The following GULP1 variants were observed in gnomAD, a reference collection of about 807,000 sequenced individuals.
GULP1 encodes GULP PTB domain containing engulfment adaptor 1, also known as PTB domain-containing engulfment adapter protein 1.
A neutral mutation model predicts 40.9 loss-of-function variants in GULP1; 19 were observed. That is an observed-to-expected ratio of 0.46 (90% CI 0.32 to 0.68). The LOEUF (loss-of-function observed/expected upper bound fraction) is 0.68, where lower values mean the gene tolerates loss of function less well. GULP1 is among the 30% of genes least tolerant of loss of function. GULP1 has a pLI of 0.03. For missense variants in GULP1, 312 were observed against 362.2 expected (o/e 0.86, Z 1.12); for synonymous variants, 119 against 117.6 (o/e 1.01, Z -0.08).
At chr2:188,511,339 C>T (rs2064520110) in intron 4 of GULP1, among the ~76,000 whole-genome samples, 1 of 152,204 alleles carries the variant, frequency 6.6e-6, no homozygotes, top group Non-Finnish European at 1.5e-5. Context: ...AATATTTCCA[C>T]AGCCCATGTG....
intron 2 of GULP1, among the ~76,000 whole-genome samples, chr2:188,461,800 A>G (rs2059731132): frequency 6.6e-6 from 1 of 151,992 alleles, no homozygotes; most frequent in Non-Finnish European, 1.5e-5. Flanking sequence ...TTTCTTTTTC[A>G]TCTCTGCTTT....
intron 11 of GULP1, chr2:188,592,136 A>G (rs1239213204): frequency 2.0e-5 from 3 of 151,996 alleles, no homozygotes; most frequent in African/African-American, 4.8e-5. Flanking sequence ...TTTGGCTGCT[A>G]TTCTGCTTTT....
chr2:188,457,560 G>T (rs939065592), intron 2 of GULP1, among the ~76,000 whole-genome samples: 2 of 152,160 alleles, frequency 1.3e-5, no homozygotes, highest in African/African-American at 2.4e-5. Context: ...CTTGTAAATT[G>T]CCCAGTCTTG....
At chr2:188,458,457 G>A (rs2059442541) in intron 2 of GULP1, among the ~76,000 whole-genome samples, 1 of 151,904 alleles carries the variant, frequency 6.6e-6, no homozygotes, top group African/African-American at 2.4e-5. Flanking sequence ...CTTTCAACCA[G>A]TCAGGCTCTT....
rs1704188808 is a variant in GULP1, at chr2:188,594,710, A to C, written c.*699A>C. On this transcript the variant is annotated 3_prime_UTR_variant, in exon 12 of 12. Coordinates refer to ENST00000409830, the MANE Select transcript of GULP1 (RefSeq NM_016315.4). ...GGTAGTGAAAAAATGAAAATTTGCT[A>C]TTTATTAAAAAACATTAAATTTCAT... 1 of 151,736 alleles carries C rather than the reference A, an allele frequency of 6.6e-6. No individual in the cohort carries two copies. Among genetic ancestry groups the C allele is most frequent in the East Asian group, 1.9e-4 (1 of 5,192 alleles). The allele number at this position is 151,736 out of a possible 1,614,324, so 9.4% of individuals were successfully genotyped here.
At chr2:188,537,391 G>A (rs897256895) in intron 6 of GULP1, among the ~76,000 whole-genome samples, 3 of 152,002 alleles carry the variant, frequency 2.0e-5, no homozygotes, top group Non-Finnish European at 4.4e-5. Context: ...ATTTTATCAT[G>A]AAGGAATGCT....
chr2:188,354,511 C>T (rs1027314432), intron 1 of GULP1, among the ~76,000 whole-genome samples: 3 of 152,144 alleles, frequency 2.0e-5, no homozygotes, highest in Non-Finnish European at 4.4e-5. Flanking sequence ...ATCTGCACCT[C>T]AGGACCCATA....
intron 11 of GULP1, 50 bp downstream of exon 11, chr2:188,587,999 T>C (rs764800708): frequency 4.3e-6 from 4 of 933,614 alleles, no homozygotes; most frequent in East Asian, 2.4e-5. Context: ...CATTTTGATA[T>C]GGGACAAAGA....
intron 2 of GULP1, among the ~76,000 whole-genome samples, chr2:188,423,177 T>C (rs2055692158): frequency 6.6e-6 from 1 of 152,074 alleles, no homozygotes; most frequent in African/African-American, 2.4e-5. Flanking sequence ...TAATCACATC[T>C]TTCTTTTCTG....
intron 1 of GULP1, among the ~76,000 whole-genome samples, chr2:188,306,717 T>C (rs2037158619): frequency 6.6e-6 from 1 of 152,170 alleles, no homozygotes; most frequent in African/African-American, 2.4e-5. Context: ...AATCCAAAGT[T>C]TGTACTTCAT....
intron 2 of GULP1, among the ~76,000 whole-genome samples, chr2:188,411,186 G>T (rs1185962967): frequency 6.6e-6 from 1 of 152,154 alleles, no homozygotes; most frequent in African/African-American, 2.4e-5. Flanking sequence ...GGGACCCTCA[G>T]CCAGACTGAC....
intron 2 of GULP1, among the ~76,000 whole-genome samples, chr2:188,402,867 C>T (rs1487660100): frequency 6.6e-6 from 1 of 152,050 alleles, no homozygotes; most frequent in African/African-American, 2.4e-5. Flanking sequence ...CCTAAGCTGT[C>T]TGCACAAATT....
Position 188,435,465 on chromosome 2 carries a change from TA to T in GULP1, c.-44-42193del, listed in dbSNP as rs1393692443. On this transcript the variant is annotated intron_variant, in intron 2 of 11. Coordinates refer to ENST00000409830, the MANE Select transcript of GULP1 (RefSeq NM_016315.4). Reference sequence around the variant, plus strand: ...ATGGCTTACTCTCACTCAATTCCATTATAAGAATCTTTGAGATAGCTTGTGC... The same window carrying T: ...ATGGCTTACTCTCACTCAATTCCATTTAAGAATCTTTGAGATAGCTTGTGC... 2.0e-5 allele frequency among the ~76,000 whole-genome samples: 3 copies of T among 152,186 alleles called. No homozygotes were observed. The East Asian group carries it at 5.8e-4, about 29-fold the overall frequency.
intron 7 of GULP1, among the ~76,000 whole-genome samples, chr2:188,543,982 T>TG (rs1460687585): frequency 1.3e-5 from 2 of 152,144 alleles, no homozygotes; most frequent in African/African-American, 4.8e-5. Context: ...CCTTCTTCCA[T>TG]GGTGACAGTG....
chr2:188,334,682 A>G (rs2042037481), intron 1 of GULP1, among the ~76,000 whole-genome samples: 1 of 152,214 alleles, frequency 6.6e-6, no homozygotes, highest in Admixed American at 6.5e-5. Flanking sequence ...GACCGACTAT[A>G]TCAAAATCCA....
At position 188,335,622 on chromosome 2, in the gene GULP1, A is replaced by T. The variant is rs553710300; in HGVS notation, c.-172+43456A>T. Among the ~76,000 whole-genome samples, 15 of 152,284 alleles carry T rather than the reference A, an allele frequency of 9.9e-5. No homozygotes were observed. The South Asian group carries it at 2.7e-3, about 27-fold the overall frequency. ...ATTAACTAATAAGTACCTTGAAGGC[A>T]AGGGCTATTTTCAGTGACTTCCGTG... On this transcript the variant is annotated intron_variant, in intron 1 of 11. Coordinates refer to ENST00000409830, the MANE Select transcript of GULP1 (RefSeq NM_016315.4).
At chr2:188,427,830 C>T (rs1419654116) in intron 2 of GULP1, among the ~76,000 whole-genome samples, 1 of 152,220 alleles carries the variant, frequency 6.6e-6, no homozygotes, top group African/African-American at 2.4e-5. Flanking sequence ...TGGGGCACTG[C>T]CTAGTGGAGC....
Position 188,526,166 on chromosome 2 carries a change from A to T in GULP1, c.163-2931A>T, listed in dbSNP as rs182556202. Among the ~76,000 whole-genome samples the T allele has an allele frequency of 4.0e-3, 603 of 152,288 alleles. 7 individuals are homozygous for T. The highest frequency in any genetic ancestry group is 3.4e-3 in the Non-Finnish European group (231 of 68,004). ...TTTAACAGTTCTATTTATCAGTAGT[A>T]TATATTTAACCAAATACTTTATTTC... On this transcript the variant is annotated intron_variant, in intron 5 of 11. Coordinates refer to ENST00000409830, the MANE Select transcript of GULP1 (RefSeq NM_016315.4).
At chr2:188,414,270 G>A (rs2054296196) in intron 2 of GULP1, among the ~76,000 whole-genome samples, 1 of 150,244 alleles carries the variant, frequency 6.7e-6, no homozygotes, top group Non-Finnish European at 1.5e-5. Flanking sequence ...TGATTGATTT[G>A]TATATATTTC....
Sources: gnomAD v4.1 joint callset for allele counts (sites outside exome capture counted in the v4.1 genomes callset) on GRCh38, gnomAD v4.1.1 for gene constraint, MANE v1.5 for transcripts, NCBI Gene and HGNC (gene_info 2026-07-23, HGNC 2026-07-21) for gene names.